The following CCSER1 variants were observed in gnomAD, a reference collection of about 807,000 sequenced individuals.
The protein encoded by CCSER1 is serine-rich coiled-coil domain-containing protein 1.
CCSER1 carries 41 observed loss-of-function variants against 82.0 expected under a neutral mutation model. The observed-to-expected ratio is 0.50, with a 90% CI of 0.39 to 0.65. CCSER1 has a LOEUF of 0.65. Among genes scored for constraint, CCSER1 ranks in the 30% least tolerant of loss-of-function variants. CCSER1 has a pLI of 0.00. For synonymous variants in CCSER1, 414 were observed against 383.9 expected (o/e 1.08, Z -0.92); for missense variants, 1,119 against 1,064.2 (o/e 1.05, Z -0.72).
intron 10 of CCSER1, among the ~76,000 whole-genome samples, chr4:91,482,903 T>A (rs538521725): frequency 5.5e-4 from 83 of 151,698 alleles, no homozygotes; most frequent in Non-Finnish European, 6.5e-4. Context: ...ATGAGAACAC[T>A]TGGACACAGG....
At chr4:90,150,365 A>C (rs1726593644) in intron 1 of CCSER1, among the ~76,000 whole-genome samples, 1 of 152,046 alleles carries the variant, frequency 6.6e-6, no homozygotes, top group Non-Finnish European at 1.5e-5. Flanking sequence ...CACTGTTGCA[A>C]ATGTGGGCAA....
At chr4:91,278,215 C>T (rs538991067) in intron 10 of CCSER1, among the ~76,000 whole-genome samples, 224 of 152,098 alleles carry the variant, frequency 1.5e-3, no homozygotes, top group African/African-American at 5.2e-3. Flanking sequence ...CAGTTTAAAT[C>T]CAATGTTTCT....
intron 10 of CCSER1, among the ~76,000 whole-genome samples, chr4:91,365,407 A>G (rs1439007981): frequency 2.0e-5 from 3 of 152,194 alleles, no homozygotes; most frequent in African/African-American, 7.2e-5. Flanking sequence ...ATTACTTTCA[A>G]TAACACATTA....
chr4:90,886,367 C>A (rs972187183), intron 8 of CCSER1, among the ~76,000 whole-genome samples: 2 of 152,230 alleles, frequency 1.3e-5, no homozygotes. Flanking sequence ...GAAAAAAAAT[C>A]ATCTTCTTGT....
At chr4:91,468,449 A>G (rs1472663794) in intron 10 of CCSER1, among the ~76,000 whole-genome samples, 1 of 152,038 alleles carries the variant, frequency 6.6e-6, no homozygotes, top group African/African-American at 2.4e-5. Flanking sequence ...ACATGTATAC[A>G]TATGTAATAA....
chr4:91,247,991 G>A (rs898073230), intron 10 of CCSER1, among the ~76,000 whole-genome samples: 2 of 152,124 alleles, frequency 1.3e-5, no homozygotes, highest in Admixed American at 1.3e-4. Context: ...AGCATTATGT[G>A]TTATAGTGCC....
intron 10 of CCSER1, among the ~76,000 whole-genome samples, chr4:91,375,334 G>C (rs1046677474): frequency 1.3e-5 from 2 of 152,176 alleles, no homozygotes; most frequent in Non-Finnish European, 2.9e-5. Flanking sequence ...TTGTTAAAAT[G>C]ACCAGAAGTA....
chr4:90,749,910 A>G (rs962630513), intron 7 of CCSER1, among the ~76,000 whole-genome samples: 8 of 151,932 alleles, frequency 5.3e-5, no homozygotes, highest in Admixed American at 3.3e-4. Flanking sequence ...TCCCACCAAC[A>G]GTGTAAAAGT....
At chr4:91,166,951 A>G (rs1482900505) in intron 10 of CCSER1, among the ~76,000 whole-genome samples, 2 of 152,184 alleles carry the variant, frequency 1.3e-5, no homozygotes, top group Non-Finnish European at 2.9e-5. Flanking sequence ...GAAATTATAG[A>G]TATTAAATGG....
At chr4:90,720,904 T>C (rs577012008) in intron 6 of CCSER1, among the ~76,000 whole-genome samples, 3 of 152,148 alleles carry the variant, frequency 2.0e-5, no homozygotes, top group Admixed American at 6.5e-5. Flanking sequence ...TCTGCTTTTT[T>C]AGTGACAGAA....
intron 1 of CCSER1, among the ~76,000 whole-genome samples, chr4:90,212,616 G>A (rs922150377): frequency 1.3e-5 from 2 of 152,140 alleles, no homozygotes; most frequent in African/African-American, 4.8e-5. Context: ...TTGTTTACTA[G>A]AACTAGTTTA....
At chr4:90,444,997 A>G (rs1760444660) in intron 4 of CCSER1, among the ~76,000 whole-genome samples, 1 of 152,048 alleles carries the variant, frequency 6.6e-6, no homozygotes, top group African/African-American at 2.4e-5. Flanking sequence ...GAAGCTGATC[A>G]CTGACTAGTA....
chr4:91,540,670 G>A (rs1050726591), intron 10 of CCSER1, among the ~76,000 whole-genome samples: 1 of 152,206 alleles, frequency 6.6e-6, no homozygotes, highest in Admixed American at 6.5e-5. Context: ...GAGGTTTATA[G>A]CTTTGTGTTT....
At chr4:90,437,667 C>T (rs1291333452) in intron 4 of CCSER1, among the ~76,000 whole-genome samples, 1 of 152,176 alleles carries the variant, frequency 6.6e-6, no homozygotes, top group Non-Finnish European at 1.5e-5. Context: ...CATACCAGAA[C>T]ATAGCAGAGA....
chr4:91,297,385 A>ATGTGTATGTGTGTG (rs1474514455), intron 10 of CCSER1, among the ~76,000 whole-genome samples: 1 of 117,988 alleles, frequency 8.5e-6, no homozygotes, highest in Non-Finnish European at 1.9e-5. Flanking sequence ...GTGTGTGTGT[A>ATGTGTATGTGTGTG]TGTGTGTGTG....
intron 10 of CCSER1, among the ~76,000 whole-genome samples, chr4:91,235,261 A>G (rs1051026731): frequency 1.3e-5 from 2 of 152,156 alleles, no homozygotes; most frequent in African/African-American, 4.8e-5. Context: ...TTCATGAGAC[A>G]CTTGTAATAA....
intron 10 of CCSER1, among the ~76,000 whole-genome samples, chr4:91,142,954 C>T (rs535167904): frequency 9.2e-4 from 78 of 85,192 alleles, no homozygotes; most frequent in African/African-American, 2.8e-3. Flanking sequence ...GTTAATTTGG[C>T]TATTTGAACT....
intron 6 of CCSER1, among the ~76,000 whole-genome samples, chr4:90,691,832 T>C (rs543566861): frequency 2.7e-4 from 41 of 151,856 alleles, no homozygotes; most frequent in African/African-American, 9.9e-4. Flanking sequence ...ATCAGTAGTT[T>C]TCAATCCTCA....
chr4:90,802,842 C>G (rs181620385), intron 7 of CCSER1, among the ~76,000 whole-genome samples: 1 of 151,926 alleles, frequency 6.6e-6, no homozygotes, highest in Non-Finnish European at 1.5e-5. Context: ...GATTACACAT[C>G]GTTGTGTTTT....
Sources: allele counts gnomAD v4.1 joint callset (sites outside exome capture counted in the v4.1 genomes callset), GRCh38; gene constraint gnomAD v4.1.1; transcripts MANE v1.5; gene names NCBI Gene and HGNC (gene_info 2026-07-23, HGNC 2026-07-21).